Variants in SDK1 observed in about 807,000 individuals in gnomAD.
The protein encoded by SDK1 is protein sidekick-1.
A neutral mutation model predicts 245.5 loss-of-function variants in SDK1; 157 were observed. The ratio of observed to expected loss-of-function variants is 0.64; its 90% CI spans 0.56 to 0.73. SDK1 has a LOEUF of 0.73. Among genes scored for constraint, SDK1 ranks in the 30% least tolerant of loss-of-function variants. The probability of loss-of-function intolerance (pLI) is 0.00; values close to 1 mark genes in which losing one functional copy is unlikely to be tolerated. For synonymous variants in SDK1, 1,647 were observed against 1,278.5 expected (o/e 1.29, Z -6.15); for missense variants, 3,583 against 3,002.3 (o/e 1.19, Z -4.52).
At chr7:3,780,660 A>C (rs1297946635) in intron 4 of SDK1, among the ~76,000 whole-genome samples, 1 of 152,074 alleles carries the variant, frequency 6.6e-6, no homozygotes, top group African/African-American at 2.4e-5. Flanking sequence ...AGGGAAGCAA[A>C]GGGGCTAGAT....
chr7:4,130,631 G>C (rs1446876997), intron 27 of SDK1: 1 of 152,532 alleles, frequency 6.6e-6, no homozygotes, highest in Non-Finnish European at 1.5e-5. Flanking sequence ...GGATGGCCCA[G>C]GGTCCCCAGC....
intron 4 of SDK1, among the ~76,000 whole-genome samples, chr7:3,759,134 T>C (rs1002353390): frequency 3.9e-5 from 6 of 152,232 alleles, no homozygotes; most frequent in African/African-American, 1.4e-4. Flanking sequence ...ATACAGGCTT[T>C]ACCTATGGCT....
chr7:3,526,362 A>C (rs1284155741), intron 1 of SDK1, among the ~76,000 whole-genome samples: 1 of 152,186 alleles, frequency 6.6e-6, no homozygotes, highest in Non-Finnish European at 1.5e-5. Flanking sequence ...AATATTTTTC[A>C]CATATTGGAG....
Position 3,619,156 on chromosome 7 carries a change from C to T in SDK1, c.375C>T (p.Thr125=), listed in dbSNP as rs527397818. Residue 125 remains threonine, a synonymous_variant, in exon 2 of 45, where the codon ACC becomes ACT. Coordinates refer to ENST00000404826, the MANE Select transcript of SDK1 (RefSeq NM_152744.4). ...TGGAAGGGAACCGCCTTGTTCTCAC[C>T]TGCCTTGCCGAAGGGAGCTGGCCTT... ...IHLEGNRLVL[T]CLAEGSWPLE... is the part of the protein sequence containing the mutation. 15 of 1,613,906 alleles carry T rather than the reference C, an allele frequency of 9.3e-6. No individual in the cohort carries two copies. The highest frequency in any genetic ancestry group is 1.1e-5 in the South Asian group (1 of 91,074).
At chr7:3,548,798 C>G (rs1032825794) in intron 1 of SDK1, among the ~76,000 whole-genome samples, 2 of 152,176 alleles carry the variant, frequency 1.3e-5, no homozygotes, top group Non-Finnish European at 2.9e-5. Context: ...TCTAATTAAC[C>G]TAGGGCTTCC....
intron 35 of SDK1, among the ~76,000 whole-genome samples, chr7:4,189,867 G>A (rs746285895): frequency 1.1e-4 from 16 of 152,184 alleles, no homozygotes; most frequent in Non-Finnish European, 2.2e-4. Flanking sequence ...GGCTGTGGAA[G>A]ACAGAAAAGT....
At position 4,051,089 on chromosome 7, in the gene SDK1, C is replaced by A. The variant is rs1235128596; in HGVS notation, c.2719-549C>A. ...TGTTATGTATGTTATATATAGTATA[C>A]TATATGTGTATATAATATATATGTA... On this transcript the variant is annotated intron_variant, in intron 18 of 44. Coordinates refer to ENST00000404826, the MANE Select transcript of SDK1 (RefSeq NM_152744.4). 1.3e-4 allele frequency among the ~76,000 whole-genome samples: 17 copies of A among 135,970 alleles called. No individual in the cohort carries two copies. The Admixed American group carries it at 1.3e-3, about 11-fold the overall frequency. The allele number at this position is 135,970 out of a possible 152,430, so 89.2% of individuals were successfully genotyped here.
intron 1 of SDK1, among the ~76,000 whole-genome samples, chr7:3,472,528 A>C (rs977162747): frequency 1.3e-5 from 2 of 152,228 alleles, no homozygotes; most frequent in African/African-American, 4.8e-5. Context: ...TGAGATTATT[A>C]TGGGTGTATC....
chr7:3,809,208 G>A (rs556394932), intron 4 of SDK1, among the ~76,000 whole-genome samples: 1 of 152,206 alleles, frequency 6.6e-6, no homozygotes, highest in South Asian at 2.1e-4. Context: ...AAGAGGGAAC[G>A]AGAGAAGGGG....
At chr7:3,790,880 A>G (rs1226715865) in intron 4 of SDK1, among the ~76,000 whole-genome samples, 2 of 152,096 alleles carry the variant, frequency 1.3e-5, no homozygotes, top group East Asian at 1.9e-4. Context: ...GGACAGGGGA[A>G]TATTCATTTT....
chr7:3,382,568 A>C (rs1781514388), intron 1 of SDK1, among the ~76,000 whole-genome samples: 1 of 152,192 alleles, frequency 6.6e-6, no homozygotes, highest in African/African-American at 2.4e-5. Context: ...TGATTGCCAT[A>C]ATCTGTTGTA....
At chr7:3,998,019 T>A (rs1421895445) in intron 14 of SDK1, among the ~76,000 whole-genome samples, 1 of 151,982 alleles carries the variant, frequency 6.6e-6, no homozygotes, top group African/African-American at 2.4e-5. Context: ...CAGCCGCGGG[T>A]TTTGGCAGCT....
chr7:3,494,259 T>C (rs781760890), intron 1 of SDK1, among the ~76,000 whole-genome samples: 4 of 152,338 alleles, frequency 2.6e-5, no homozygotes, highest in South Asian at 4.1e-4. Context: ...TTAATAACTT[T>C]TGTTATTTTA....
chr7:3,586,204 G>A (rs917919830), intron 1 of SDK1, among the ~76,000 whole-genome samples: 2 of 152,008 alleles, frequency 1.3e-5, no homozygotes, highest in East Asian at 1.9e-4. Flanking sequence ...GAGTGTCTTG[G>A]TGGAAAGGAA....
chr7:3,962,095 A>G (rs1275506955), intron 8 of SDK1, among the ~76,000 whole-genome samples: 2 of 152,204 alleles, frequency 1.3e-5, no homozygotes, highest in Non-Finnish European at 2.9e-5. Context: ...ATATACACAC[A>G]CATGCACAGA....
At chr7:3,933,040 C>G (rs1190578414) in intron 5 of SDK1, among the ~76,000 whole-genome samples, 2 of 152,036 alleles carry the variant, frequency 1.3e-5, no homozygotes, top group African/African-American at 4.8e-5. Context: ...GACGACACAG[C>G]CCAGCCAAAG....
intron 1 of SDK1, among the ~76,000 whole-genome samples, chr7:3,525,640 A>G (rs1783103010): frequency 6.6e-6 from 1 of 151,802 alleles, no homozygotes; most frequent in Non-Finnish European, 1.5e-5. Context: ...TTTCTCTTAG[A>G]GCCCCATTTC....
intron 5 of SDK1, among the ~76,000 whole-genome samples, chr7:3,878,087 G>T (rs977905382): frequency 9.2e-5 from 14 of 152,196 alleles, no homozygotes; most frequent in East Asian, 3.8e-4. Flanking sequence ...TAATGTCCCT[G>T]TCTCTGCATT....
chr7:3,967,987 A>G (rs1448134431), intron 10 of SDK1, among the ~76,000 whole-genome samples: 1 of 152,188 alleles, frequency 6.6e-6, no homozygotes, highest in Non-Finnish European at 1.5e-5. Flanking sequence ...AGAAAAAGAG[A>G]AGGATTGTGC....
Sources: allele counts gnomAD v4.1 joint callset (sites outside exome capture counted in the v4.1 genomes callset), GRCh38; gene constraint gnomAD v4.1.1; transcripts MANE v1.5; gene names NCBI Gene and HGNC (gene_info 2026-07-23, HGNC 2026-07-21).